Variants in ELAPOR2 observed in about 807,000 individuals in gnomAD.
ELAPOR2 encodes the protein endosome-lysosome associated apoptosis and autophagy regulator family member 2.
A neutral mutation model predicts 120.7 loss-of-function variants in ELAPOR2; 89 were observed. The ratio of observed to expected loss-of-function variants is 0.74; its 90% CI spans 0.62 to 0.88. The LOEUF is 0.88. Ranked by LOEUF, ELAPOR2 falls within the 40% of genes least tolerant of loss-of-function variation. The pLI, the probability that ELAPOR2 is intolerant of heterozygous loss-of-function variation, is 0.00. For missense variants in ELAPOR2, 1,134 were observed against 1,251.6 expected, an observed-to-expected ratio of 0.91 and a Z score of 1.42; for synonymous variants, 444 against 444.9, an observed-to-expected ratio of 1.00 and a Z score of 0.03.
At chr7:86,930,666 C>T (rs1790287071) in intron 8 of ELAPOR2, among the ~76,000 whole-genome samples, 1 of 151,924 alleles carries the variant, frequency 6.6e-6, no homozygotes, top group African/African-American at 2.4e-5. Flanking sequence ...TAGCCTAATG[C>T]CTCCTTCGAA....
chr7:86,886,979 A>C (rs1432259071), intron 21 of ELAPOR2, among the ~76,000 whole-genome samples: 1 of 150,954 alleles, frequency 6.6e-6, no homozygotes, highest in East Asian at 2.0e-4. Flanking sequence ...CAGAACTCAA[A>C]GGCATTATCA....
rs147460431 is a variant in ELAPOR2, at chr7:86,984,360, T to C, written c.190-19336A>G. Among the ~76,000 whole-genome samples the C allele has an allele frequency of 1.8e-3, 279 of 152,254 alleles. 7 individuals are homozygous for C. In the East Asian group the frequency reaches 0.05, roughly 28 times the overall value. On this transcript the variant is annotated intron_variant, in intron 1 of 21. Coordinates refer to ENST00000450689, the MANE Select transcript of ELAPOR2 (RefSeq NM_001142749.3). Reference sequence around the variant, plus strand: ...CCTAATAGACATCTACAGAATTCTCTACCCCAAATCAACAGAATATACATT... The same window carrying C: ...CCTAATAGACATCTACAGAATTCTCCACCCCAAATCAACAGAATATACATT...
At chr7:86,998,995 T>C (rs1013485992) in intron 1 of ELAPOR2, among the ~76,000 whole-genome samples, 10 of 152,048 alleles carry the variant, frequency 6.6e-5, no homozygotes, top group African/African-American at 2.4e-4. Context: ...AGCCTTTTTT[T>C]CTTAAACTTA....
chr7:86,982,542 AG>A (rs1464658827), intron 1 of ELAPOR2, among the ~76,000 whole-genome samples: 2 of 152,230 alleles, frequency 1.3e-5, no homozygotes, highest in Non-Finnish European at 2.9e-5. Flanking sequence ...CCAGGCCAAC[AG>A]GGTCCAGAGT....
rs765452628 is a variant in ELAPOR2 at position 86,940,135 on chromosome 7, G to A, written c.742-20C>T. The A allele has an allele frequency of 2.1e-4, 309 of 1,491,788 alleles. 1 individual carries two copies. The highest frequency in any genetic ancestry group is 1.9e-4 in the Non-Finnish European group (203 of 1,074,452). The allele number at this position is 1,491,788 out of a possible 1,614,324, so 92.4% of individuals were successfully genotyped here. A position where few individuals can be genotyped will look rare whatever the true frequency, so the allele number is the denominator to read the frequency against. On this transcript the variant is annotated intron_variant, in intron 5 of 21. Coordinates refer to ENST00000450689, the MANE Select transcript of ELAPOR2 (RefSeq NM_001142749.3). ...CATTACCTATAAAGAGAAACATAAA[G>A]GCACTTAGGGCAGATAAGCCATGCC...
chr7:86,939,108 G>A, intron 6 of ELAPOR2, 148 bp from the exon 7 acceptor site: 4 of 779,564 alleles, frequency 5.1e-6, no homozygotes, highest in Non-Finnish European at 8.1e-6. Flanking sequence ...CCAGCACTAA[G>A]AAAGCATTTA....
At chr7:86,944,644 G>C (rs1790928726) in intron 4 of ELAPOR2, among the ~76,000 whole-genome samples, 1 of 152,076 alleles carries the variant, frequency 6.6e-6, no homozygotes, top group Non-Finnish European at 1.5e-5. Flanking sequence ...GTTATATAAT[G>C]AGCATAACTA....
At chr7:86,914,883 T>A (rs202158326) in intron 12 of ELAPOR2, 23 bp from the exon 13 acceptor site, 29 of 1,581,632 alleles carry the variant, frequency 1.8e-5, no homozygotes, top group Non-Finnish European at 2.3e-5. Flanking sequence ...GGAAAAACTA[T>A]ATTCAAATAA....
intron 1 of ELAPOR2, among the ~76,000 whole-genome samples, chr7:86,972,244 T>G (rs995539652): frequency 2.6e-5 from 4 of 152,236 alleles, no homozygotes; most frequent in Middle Eastern, 6.8e-3. Context: ...GTTGTATCGC[T>G]CATCAGAATT....
chr7:87,025,825 CAT>C (rs1261990029), intron 1 of ELAPOR2, among the ~76,000 whole-genome samples: 13 of 151,824 alleles, frequency 8.6e-5, no homozygotes, highest in African/African-American at 3.1e-4. Flanking sequence ...ACATGTTAGA[CAT>C]ATGTTATATT....
chr7:86,912,268 AAT>A, intron 14 of ELAPOR2, 23 bp from the exon 15 acceptor site: 1 of 1,512,374 alleles, frequency 6.6e-7, no homozygotes, highest in Non-Finnish European at 9.0e-7. Context: ...ATAAAGAAAC[AAT>A]ATAGCAGGAA....
At chr7:86,982,276 TG>T (rs1562954393) in intron 1 of ELAPOR2, among the ~76,000 whole-genome samples, 1 of 152,240 alleles carries the variant, frequency 6.6e-6, no homozygotes, top group Non-Finnish European at 1.5e-5. Context: ...CAGACTTAAA[TG>T]GCCCTGTCTG....
chr7:86,985,813 C>A (rs1168033152), intron 1 of ELAPOR2, among the ~76,000 whole-genome samples: 3 of 151,922 alleles, frequency 2.0e-5, no homozygotes, highest in East Asian at 1.9e-4. Flanking sequence ...GCTATCCCTC[C>A]CCCCTGCCCC....
At chr7:86,939,031 G>A (rs774769189) in intron 6 of ELAPOR2, 71 bp from the exon 7 acceptor site, 170 of 1,551,958 alleles carry the variant, frequency 1.1e-4, no homozygotes, top group Non-Finnish European at 1.4e-4. Flanking sequence ...ACCTACTTCT[G>A]CTTCTACCCA....
chr7:86,939,884 T>C (rs1584374681), intron 6 of ELAPOR2, 126 bp downstream of exon 6: 2 of 501,046 alleles, frequency 4.0e-6, no homozygotes, highest in East Asian at 6.5e-5. Context: ...CAGACCTATA[T>C]GATTCCCTAA....
chr7:86,981,352 C>G (rs968228998), intron 1 of ELAPOR2, among the ~76,000 whole-genome samples: 42 of 152,258 alleles, frequency 2.8e-4, no homozygotes, highest in African/African-American at 9.1e-4. Context: ...TCTGGGCTCA[C>G]TAACTGCCAT....
intron 9 of ELAPOR2, 143 bp downstream of exon 9, chr7:86,926,593 T>A (rs952884993): frequency 7.1e-6 from 5 of 706,998 alleles, no homozygotes; most frequent in Non-Finnish European, 9.0e-6. Context: ...ACTAAAATAT[T>A]ACAGTTGACT....
At chr7:86,948,208 G>T (rs1791083782) in intron 2 of ELAPOR2, among the ~76,000 whole-genome samples, 1 of 152,002 alleles carries the variant, frequency 6.6e-6, no homozygotes, top group Admixed American at 6.5e-5. Flanking sequence ...CAAGATAGAT[G>T]TTGGCCAATC....
chr7:87,017,374 C>T (rs1320983595), intron 1 of ELAPOR2, among the ~76,000 whole-genome samples: 1 of 152,120 alleles, frequency 6.6e-6, no homozygotes, highest in Non-Finnish European at 1.5e-5. Flanking sequence ...TTGATATATC[C>T]ACACAGTGGA....
Sources: gnomAD v4.1 joint callset for allele counts (sites outside exome capture counted in the v4.1 genomes callset) on GRCh38, gnomAD v4.1.1 for gene constraint, MANE v1.5 for transcripts, NCBI Gene and HGNC (gene_info 2026-07-23, HGNC 2026-07-21) for gene names.